Variants in PPFIA2 observed in about 807,000 individuals in gnomAD.
PPFIA2 encodes the protein liprin-alpha-2.
In PPFIA2, 46 loss-of-function variants were observed where a neutral mutation model predicts 175.5. The ratio of observed to expected loss-of-function variants is 0.26; its 90% CI spans 0.21 to 0.34. The LOEUF (loss-of-function observed/expected upper bound fraction) is 0.34, where lower values mean the gene tolerates loss of function less well. Ranked by LOEUF, PPFIA2 falls within the 10% of genes least tolerant of loss-of-function variation. The probability of loss-of-function intolerance (pLI) is 1.00; values close to 1 mark genes in which losing one functional copy is unlikely to be tolerated. For missense variants in PPFIA2, 1,179 were observed against 1,506.1 expected, an observed-to-expected ratio of 0.78 and a Z score of 3.60; for synonymous variants, 568 against 511.4, an observed-to-expected ratio of 1.11 and a Z score of -1.49.
At chr12:81,694,823 T>TCTG (rs1465517873) in intron 3 of PPFIA2, among the ~76,000 whole-genome samples, 1 of 152,152 alleles carries the variant, frequency 6.6e-6, no homozygotes, top group African/African-American at 2.4e-5. Context: ...GTGCTTAACT[T>TCTG]TGCAAAGACA....
intron 4 of PPFIA2, among the ~76,000 whole-genome samples, chr12:81,555,646 A>C (rs1378961926): frequency 6.6e-6 from 1 of 151,998 alleles, no homozygotes; most frequent in African/African-American, 2.4e-5. Context: ...ACAAAGCACA[A>C]AAAATTACAA....
At chr12:81,409,446 G>A (rs548706283) in intron 7 of PPFIA2, among the ~76,000 whole-genome samples, 1 of 152,214 alleles carries the variant, frequency 6.6e-6, no homozygotes, top group Non-Finnish European at 1.5e-5. Flanking sequence ...TATCTCTGGA[G>A]TGGGTTATTT....
At chr12:81,703,299 T>G (rs994270272) in intron 3 of PPFIA2, among the ~76,000 whole-genome samples, 6 of 152,122 alleles carry the variant, frequency 3.9e-5, no homozygotes, top group Non-Finnish European at 7.4e-5. Flanking sequence ...AAAATTTCTC[T>G]TTTTTACAGC....
At chr12:81,445,023 T>C (rs1174892847) in intron 6 of PPFIA2, among the ~76,000 whole-genome samples, 2 of 152,140 alleles carry the variant, frequency 1.3e-5, no homozygotes, top group African/African-American at 2.4e-5. Flanking sequence ...ACTAATACTT[T>C]GTGATGTTAC....
rs1568121654 is a variant in PPFIA2 at position 81,749,425 on chromosome 12, T to C, written c.249+4548A>G. Among the ~76,000 whole-genome samples the C allele has an allele frequency of 2.1e-5, 3 of 144,030 alleles. 1 individual carries two copies. The highest frequency in any genetic ancestry group is 4.3e-4 in the East Asian group (2 of 4,694). The allele number at this position is 144,030 out of a possible 152,430, so 94.5% of individuals were successfully genotyped here. A position where few individuals can be genotyped will look rare whatever the true frequency, so the allele number is the denominator to read the frequency against. ...TTAATAATGCACAGTGGACCCTCAG[T>C]GTATGCTAAAAAAGGTGATGAAAAC... On this transcript the variant is annotated intron_variant, in intron 3 of 32. Coordinates refer to ENST00000549396, the MANE Select transcript of PPFIA2 (RefSeq NM_003625.5).
At chr12:81,337,269 A>G (rs902967437) in intron 21 of PPFIA2, among the ~76,000 whole-genome samples, 1 of 152,120 alleles carries the variant, frequency 6.6e-6, no homozygotes, top group African/African-American at 2.4e-5. Context: ...GTCCTTAACA[A>G]GCTGCTGATT....
intron 21 of PPFIA2, among the ~76,000 whole-genome samples, chr12:81,331,002 C>G (rs1296351969): frequency 6.6e-6 from 1 of 152,150 alleles, no homozygotes; most frequent in Non-Finnish European, 1.5e-5. Flanking sequence ...CTAATGGACA[C>G]TTTGTGGAAT....
intron 7 of PPFIA2, among the ~76,000 whole-genome samples, chr12:81,428,022 T>G (rs1381085901): frequency 6.6e-6 from 1 of 151,984 alleles, no homozygotes; most frequent in African/African-American, 2.4e-5. Flanking sequence ...GTTCAATATT[T>G]CATCTAAATT....
At chr12:81,300,672 C>T (rs1212651543) in intron 22 of PPFIA2, among the ~76,000 whole-genome samples, 2 of 152,156 alleles carry the variant, frequency 1.3e-5, no homozygotes, top group African/African-American at 4.8e-5. Context: ...CAGCGATACT[C>T]GTGCTCTGAA....
At chr12:81,604,038 G>A (rs2060049826) in intron 4 of PPFIA2, among the ~76,000 whole-genome samples, 1 of 151,592 alleles carries the variant, frequency 6.6e-6, no homozygotes. Flanking sequence ...TAAATTTTGT[G>A]GGAGAGATAC....
intron 4 of PPFIA2, among the ~76,000 whole-genome samples, chr12:81,523,144 G>T (rs2063349096): frequency 6.6e-6 from 1 of 152,164 alleles, no homozygotes; most frequent in South Asian, 2.1e-4. Flanking sequence ...CAGAAAGGGA[G>T]GATGGGATAT....
At chr12:81,365,339 G>A (rs1042440183) in intron 14 of PPFIA2, among the ~76,000 whole-genome samples, 1 of 151,776 alleles carries the variant, frequency 6.6e-6, no homozygotes, top group Non-Finnish European at 1.5e-5. Flanking sequence ...TGGGATGATA[G>A]TTCAGACATG....
intron 30 of PPFIA2, 138 bp from the exon 31 acceptor site, chr12:81,263,528 AAG>A: frequency 7.7e-6 from 5 of 650,258 alleles, no homozygotes; most frequent in Non-Finnish European, 9.5e-6. Context: ...ACGCTTTATC[AAG>A]ATAGTTAGTT....
At chr12:81,479,387 C>T (rs1336691035) in intron 4 of PPFIA2, among the ~76,000 whole-genome samples, 10 of 152,178 alleles carry the variant, frequency 6.6e-5, no homozygotes, top group Admixed American at 6.5e-4. Context: ...TCCAATTTGC[C>T]AGTCTGTATC....
intron 21 of PPFIA2, among the ~76,000 whole-genome samples, chr12:81,334,200 G>C (rs1239659765): frequency 1.3e-5 from 2 of 152,302 alleles, no homozygotes; most frequent in East Asian, 1.9e-4. Context: ...ACAGATCTTA[G>C]GGTTCATAGC....
chr12:81,592,437 A>G (rs1414767214), intron 4 of PPFIA2, among the ~76,000 whole-genome samples: 1 of 152,026 alleles, frequency 6.6e-6, no homozygotes, highest in East Asian at 1.9e-4. Context: ...ATATGGTTTG[A>G]TTCTGTCCCC....
At chr12:81,367,287 A>G (rs899684213) in intron 13 of PPFIA2, 117 bp from the exon 14 acceptor site, 68 of 719,584 alleles carry the variant, frequency 9.4e-5, no homozygotes, top group Non-Finnish European at 1.2e-4. Flanking sequence ...TAGTTCAGGT[A>G]TTTCTTGGTT....
At chr12:81,719,012 CA>C (rs1168085241) in intron 3 of PPFIA2, among the ~76,000 whole-genome samples, 1 of 151,586 alleles carries the variant, frequency 6.6e-6, no homozygotes, top group African/African-American at 2.4e-5. Flanking sequence ...AAATCCAATG[CA>C]AAATATTTTA....
chr12:81,644,037 T>A (rs934050802), intron 4 of PPFIA2, among the ~76,000 whole-genome samples: 2 of 151,916 alleles, frequency 1.3e-5, no homozygotes, highest in Non-Finnish European at 2.9e-5. Flanking sequence ...AAATGTCAAG[T>A]TTTTTTGAAT....
Sources: allele counts gnomAD v4.1 joint callset (sites outside exome capture counted in the v4.1 genomes callset), GRCh38; gene constraint gnomAD v4.1.1; transcripts MANE v1.5; gene names NCBI Gene and HGNC (gene_info 2026-07-23, HGNC 2026-07-21).